The following SV2C variants were observed in gnomAD, a reference collection of about 807,000 sequenced individuals.
SV2C encodes the protein synaptic vesicle glycoprotein 2C.
A neutral mutation model predicts 79.7 loss-of-function variants in SV2C; 49 were observed. The observed-to-expected ratio is 0.61, with a 90% confidence interval of 0.49 to 0.78. SV2C has a LOEUF of 0.78. SV2C is among the 30% of genes least tolerant of loss of function. The pLI, the probability that SV2C is intolerant of heterozygous loss-of-function variation, is 0.00. For synonymous variants in SV2C, 334 were observed against 333.2 expected, an observed-to-expected ratio of 1.00 and a Z score of -0.03; for missense variants, 833 against 912.9, an observed-to-expected ratio of 0.91 and a Z score of 1.13.
intron 2 of SV2C, among the ~76,000 whole-genome samples, chr5:76,184,173 C>T (rs897882256): frequency 6.6e-6 from 1 of 152,158 alleles, no homozygotes; most frequent in African/African-American, 2.4e-5. Context: ...CTGGGTGTGG[C>T]CTGGCATCAG....
the SV2C span, among the ~76,000 whole-genome samples, chr5:75,865,910 C>G: frequency 6.6e-6 from 1 of 152,152 alleles, no homozygotes; most frequent in Non-Finnish European, 1.5e-5. Context: ...ATGGAGTGGC[C>G]TTGGAGACAG....
intron 1 of SV2C, among the ~76,000 whole-genome samples, chr5:76,094,287 C>A (rs1747473359): frequency 6.6e-6 from 1 of 152,136 alleles, no homozygotes; most frequent in South Asian, 2.1e-4. Flanking sequence ...AAGCATATCT[C>A]CATTACCTTA....
intron 4 of SV2C, among the ~76,000 whole-genome samples, chr5:76,228,235 G>A (rs139253354): frequency 1.8e-3 from 277 of 152,144 alleles, no homozygotes; most frequent in African/African-American, 5.3e-3. Context: ...ATTAAGCGTC[G>A]ACTCCAGCCA....
chr5:75,920,801 C>A, the SV2C span: 1 of 775,470 alleles, frequency 1.3e-6, no homozygotes. Context: ...ACTTCAGGGA[C>A]TTGCCAGGCG....
chr5:76,318,434 A>AG, intron 12 of SV2C, among the ~76,000 whole-genome samples: 1 of 152,122 alleles, frequency 6.6e-6, no homozygotes, highest in Non-Finnish European at 1.5e-5. Flanking sequence ...AAAGAAAGAA[A>AG]AAAAAAACAG....
At chr5:75,877,716 C>G in the SV2C span, among the ~76,000 whole-genome samples, 21,018 of 151,624 alleles carry the variant, frequency 0.14, 1,877 homozygotes, top group African/African-American at 0.26. Context: ...GACATGGGGT[C>G]GGTCTGGGGC....
chr5:75,851,362 T>C, the SV2C span, among the ~76,000 whole-genome samples: 3 of 152,350 alleles, frequency 2.0e-5, no homozygotes, highest in East Asian at 1.9e-4. Flanking sequence ...TTTGAGTTTA[T>C]GTATGTCTGA....
At chr5:76,215,596 T>C (rs553428917) in intron 4 of SV2C, among the ~76,000 whole-genome samples, 2 of 152,338 alleles carry the variant, frequency 1.3e-5, no homozygotes, top group East Asian at 3.9e-4. Flanking sequence ...CTGCGTTGTA[T>C]AAATGATGCC....
At chr5:75,861,485 G>A in the SV2C span, among the ~76,000 whole-genome samples, 173 of 152,160 alleles carry the variant, frequency 1.1e-3, no homozygotes, top group African/African-American at 4.1e-3. Flanking sequence ...TATATCCAAA[G>A]GAAAATAAAT....
chr5:76,185,696 G>C (rs1434690121), intron 2 of SV2C, among the ~76,000 whole-genome samples: 1 of 152,210 alleles, frequency 6.6e-6, no homozygotes, highest in East Asian at 1.9e-4. Context: ...AGGCTGCATA[G>C]CAGCCGGTGA....
Position 76,321,649 on chromosome 5 carries a change from G to A in SV2C, c.2001-3715G>A, listed in dbSNP as rs561621378. Among the ~76,000 whole-genome samples, 29 of 151,764 alleles carry A rather than the reference G, an allele frequency of 1.9e-4. No individual in the cohort carries two copies. The South Asian group carries it at 5.2e-3, about 27-fold the overall frequency. On this transcript the variant is annotated intron_variant, in intron 12 of 12. Transcript: ENST00000502798. The stretch of plus-strand genomic sequence containing the variant: ...CCAACTGTTCAGGAGGCTGAGGTGG[G>A]AGGATCACTTGAGCCCAGTAGATCG...
At position 76,102,710 on chromosome 5, in the gene SV2C, G is replaced by A. The variant is rs146127601; in HGVS notation, c.-102+19198G>A. The stretch of plus-strand genomic sequence containing the variant: ...CTGCCCATATACCAAGGGAATCTGT[G>A]TGTTCTGCAGAGCCATGTGAGAGCC... On this transcript the variant is annotated intron_variant, in intron 1 of 12. Transcript: ENST00000502798. 4.1e-3 allele frequency among the ~76,000 whole-genome samples: 628 copies of A among 152,314 alleles called. 3 individuals are homozygous for A. The highest frequency in any genetic ancestry group is 0.013 in the East Asian group (65 of 5,188).
At chr5:76,222,565 GATAAA>G (rs144234092) in intron 4 of SV2C, among the ~76,000 whole-genome samples, 7 of 152,246 alleles carry the variant, frequency 4.6e-5, no homozygotes, top group African/African-American at 1.4e-4. Flanking sequence ...CTACACATGT[GATAAA>G]ATAAAACAGA....
intron 4 of SV2C, among the ~76,000 whole-genome samples, chr5:76,230,640 T>C (rs1745385376): frequency 6.6e-6 from 1 of 151,838 alleles, no homozygotes; most frequent in South Asian, 2.1e-4. Flanking sequence ...ATTACAAAAA[T>C]TATCTGGGCG....
chr5:76,155,956 A>C (rs1742710237), intron 2 of SV2C, among the ~76,000 whole-genome samples: 1 of 151,050 alleles, frequency 6.6e-6, no homozygotes, highest in African/African-American at 2.4e-5. Context: ...AAAAAAAAAA[A>C]AAAAAAAAAA....
At chr5:76,263,038 G>A (rs1033649474) in intron 4 of SV2C, among the ~76,000 whole-genome samples, 1 of 152,144 alleles carries the variant, frequency 6.6e-6, no homozygotes, top group African/African-American at 2.4e-5. Context: ...GGGTGTTAAA[G>A]TCTTCCACTA....
At chr5:76,024,820 G>A in the SV2C span, among the ~76,000 whole-genome samples, 1 of 152,140 alleles carries the variant, frequency 6.6e-6, no homozygotes, top group Non-Finnish European at 1.5e-5. Flanking sequence ...TTTAATCTGG[G>A]AATAGCGTAT....
chr5:75,909,047 A>C, the SV2C span, among the ~76,000 whole-genome samples: 2 of 152,242 alleles, frequency 1.3e-5, no homozygotes, highest in Non-Finnish European at 2.9e-5. Flanking sequence ...GTTGAACATT[A>C]CTGTCCTCAC....
chr5:76,064,678 C>T, the SV2C span, among the ~76,000 whole-genome samples: 10 of 152,086 alleles, frequency 6.6e-5, no homozygotes, highest in African/African-American at 1.9e-4. Context: ...CCTTCTTCTC[C>T]GGATCCCTTG....
Sources: allele counts gnomAD v4.1 joint callset (sites outside exome capture counted in the v4.1 genomes callset), GRCh38; gene constraint gnomAD v4.1.1; transcripts MANE v1.5; gene names NCBI Gene and HGNC (gene_info 2026-07-23, HGNC 2026-07-21).